IFT88: variants seen among roughly 807,000 people sequenced by gnomAD.
IFT88 encodes intraflagellar transport protein 88 homolog.
A neutral mutation model predicts 119.5 loss-of-function variants in IFT88; 74 were observed. That is an observed-to-expected ratio of 0.62 (90% confidence interval 0.51 to 0.75). The LOEUF (loss-of-function observed/expected upper bound fraction) is 0.75. IFT88 is among the 30% of genes least tolerant of loss of function. The pLI is 0.00. For synonymous variants in IFT88, 279 were observed against 316.7 expected (o/e 0.88, Z 1.26); for missense variants, 961 against 977.7 (o/e 0.98, Z 0.23).
At position 20,643,517 on chromosome 13, in the gene IFT88, T is replaced by C. The variant is rs767524689; in HGVS notation, c.1745T>C (p.Ile582Thr). The change falls in exon 19 of 26, where the codon ATT becomes ACT. Residue 582 changes from isoleucine (I) to threonine (T), a missense_variant. Physicochemically the swap from Ile to Thr is moderately conservative, Grantham distance 89. Transcript: ENST00000351808. ...IEWLMQVVSV[I>T]PTDPQVLSKL... ...TGGCTAATGCAGGTGGTCAGTGTTA[T>C]TCCAACCGATCCTCAAGTTTTATCT... is the stretch of plus-strand genomic sequence containing the variant. 16 of 1,612,736 alleles carry C rather than the reference T, an allele frequency of 9.9e-6. No homozygotes were observed. The highest frequency in any genetic ancestry group is 1.7e-5 in the Admixed American group (1 of 59,954).
intron 14 of IFT88, among the ~76,000 whole-genome samples, chr13:20,623,566 C>T (rs764310912): frequency 6.6e-6 from 1 of 152,112 alleles, no homozygotes; most frequent in Non-Finnish European, 1.5e-5. Flanking sequence ...GCTCCGCCTC[C>T]CGGGTTCACG....
chr13:20,581,809 C>T (rs555718077), intron 2 of IFT88, among the ~76,000 whole-genome samples: 1 of 147,494 alleles, frequency 6.8e-6, no homozygotes, highest in East Asian at 2.0e-4. Context: ...GCTGTGATCG[C>T]ACCACTGTAC....
intron 3 of IFT88, among the ~76,000 whole-genome samples, chr13:20,585,135 A>G (rs1024217023): frequency 1.3e-5 from 2 of 152,092 alleles, no homozygotes; most frequent in African/African-American, 2.4e-5. Flanking sequence ...TTTGGGGTAA[A>G]TGCATTTAGT....
At chr13:20,667,918 A>G (rs1450353115) in intron 23 of IFT88, among the ~76,000 whole-genome samples, 1 of 152,154 alleles carries the variant, frequency 6.6e-6, no homozygotes, top group Non-Finnish European at 1.5e-5. Flanking sequence ...TGCTCTTCAA[A>G]TCAGTCTAAC....
chr13:20,643,959 G>A (rs2050350604), intron 19 of IFT88, among the ~76,000 whole-genome samples: 1 of 152,090 alleles, frequency 6.6e-6, no homozygotes. Flanking sequence ...TGCCATCTTG[G>A]CCAGGCCAGT....
chr13:20,652,845 G>C (rs2052012400), intron 20 of IFT88, among the ~76,000 whole-genome samples: 1 of 152,160 alleles, frequency 6.6e-6, no homozygotes. Flanking sequence ...AGAGTAAAGA[G>C]GTTGGAATGC....
chr13:20,571,185 G>A (rs2036292695), intron 1 of IFT88, among the ~76,000 whole-genome samples: 1 of 151,870 alleles, frequency 6.6e-6, no homozygotes, highest in Admixed American at 6.6e-5. Flanking sequence ...TAGTAGAGAC[G>A]GGGTTTCACC....
At chr13:20,630,853 A>G (rs1317982157) in intron 15 of IFT88, among the ~76,000 whole-genome samples, 163 bp from the exon 16 acceptor site, 2 of 152,180 alleles carry the variant, frequency 1.3e-5, no homozygotes, top group Non-Finnish European at 2.9e-5. Context: ...CTAATTCTCA[A>G]ATGAAATTAT....
At position 20,653,873 on chromosome 13, in the gene IFT88, T is replaced by C. The variant is rs368955602; in HGVS notation, c.1950-3T>C. 1.3e-6 allele frequency: 2 copies of C among 1,529,190 alleles called. No homozygotes were observed. The highest frequency in any genetic ancestry group is 2.5e-5 in the South Asian group (2 of 79,400). 94.7% of individuals were successfully genotyped at this position (1,529,190 alleles called of 1,614,324 possible). On this transcript the variant is annotated splice_polypyrimidine_tract_variant and splice_region_variant and intron_variant, in intron 20 of 25. Coordinates refer to ENST00000351808, the MANE Select transcript of IFT88 (RefSeq NM_006531.5). The stretch of plus-strand genomic sequence containing the variant: ...AATTTCATCTCATTTATTTATTTTA[T>C]AGGCCTACACAAGTGAAATGGCAGC...
chr13:20,624,379 C>T (rs964135735), intron 14 of IFT88, among the ~76,000 whole-genome samples: 6 of 152,080 alleles, frequency 3.9e-5, no homozygotes, highest in Admixed American at 1.3e-4. Context: ...TTCAGCTATC[C>T]GGAAGCTCCC....
intron 20 of IFT88, among the ~76,000 whole-genome samples, chr13:20,648,767 T>A (rs962851579): frequency 5.9e-5 from 9 of 152,124 alleles, no homozygotes; most frequent in African/African-American, 2.2e-4. Flanking sequence ...TTATATACTG[T>A]CTACAAGAGA....
chr13:20,652,714 G>A (rs1248651073), intron 20 of IFT88, among the ~76,000 whole-genome samples: 1 of 152,110 alleles, frequency 6.6e-6, no homozygotes. Flanking sequence ...TACCTTTATA[G>A]AGGAAGGAAG....
Position 20,598,724 on chromosome 13 carries a change from T to C in IFT88, c.668T>C (p.Ile223Thr), listed in dbSNP as rs1167381896. ...GAAGCACTTAACACTTATCAAGTTATAGTCAAAAATAAGATGTTTAGCAAT... is the reference window on the plus strand; with the variant it reads ...GAAGCACTTAACACTTATCAAGTTACAGTCAAAAATAAGATGTTTAGCAAT... ...YAEALNTYQVIVKNKMFSNAG... is the reference protein window; with the variant it reads ...YAEALNTYQVTVKNKMFSNAG... The change falls in exon 10 of 26, where the codon ATA (isoleucine) becomes ACA (threonine). Residue 223 changes from isoleucine (I) to threonine (T), a missense_variant. By Grantham distance (89) the Ile-to-Thr change is moderately conservative. Coordinates refer to ENST00000351808, the MANE Select transcript of IFT88 (RefSeq NM_006531.5). The C allele has an allele frequency of 1.9e-6, 3 of 1,607,984 alleles. No individual in the cohort carries two copies. Among genetic ancestry groups the C allele is most frequent in the Non-Finnish European group, 2.6e-6 (3 of 1,175,334 alleles).
chr13:20,665,934 G>A (rs557235309), intron 23 of IFT88, among the ~76,000 whole-genome samples: 1 of 152,330 alleles, frequency 6.6e-6, no homozygotes, highest in Admixed American at 6.5e-5. Flanking sequence ...GAGGTCTGAG[G>A]ACAGGAAGTT....
intron 20 of IFT88, among the ~76,000 whole-genome samples, chr13:20,650,512 C>G (rs898964667): frequency 5.9e-5 from 9 of 152,130 alleles, no homozygotes; most frequent in Non-Finnish European, 1.2e-4. Flanking sequence ...TAACAGGATA[C>G]TGAATGGTGA....
chr13:20,589,243 C>A (rs950587156), intron 3 of IFT88, among the ~76,000 whole-genome samples: 1 of 152,134 alleles, frequency 6.6e-6, no homozygotes, highest in African/African-American at 2.4e-5. Flanking sequence ...AAGTAGAATT[C>A]CTCTGTGAGT....
At chr13:20,579,317 T>C (rs2038075670) in intron 2 of IFT88, among the ~76,000 whole-genome samples, 1 of 152,150 alleles carries the variant, frequency 6.6e-6, no homozygotes, top group Admixed American at 6.5e-5. Flanking sequence ...GAAATTTGCT[T>C]GGTGCTCTAT....
intron 24 of IFT88, among the ~76,000 whole-genome samples, chr13:20,685,183 A>G (rs2057761880): frequency 6.6e-6 from 1 of 152,206 alleles, no homozygotes; most frequent in Non-Finnish European, 1.5e-5. Flanking sequence ...TCTGCAGCAA[A>G]AACACGTTGT....
At chr13:20,605,353 G>A (rs1032264747) in intron 13 of IFT88, among the ~76,000 whole-genome samples, 1 of 152,050 alleles carries the variant, frequency 6.6e-6, no homozygotes, top group Non-Finnish European at 1.5e-5. Flanking sequence ...CAGTGCTCAT[G>A]CTAATCTCAA....
Sources: gnomAD v4.1 joint callset for allele counts (sites outside exome capture counted in the v4.1 genomes callset) on GRCh38, gnomAD v4.1.1 for gene constraint, MANE v1.5 for transcripts, NCBI Gene and HGNC (gene_info 2026-07-23, HGNC 2026-07-21) for gene names.